Variants in SMARCD3 observed in about 807,000 individuals in gnomAD.
SMARCD3 encodes the protein SWI/SNF-related matrix-associated actin-dependent regulator of chromatin subfamily D member 3.
A neutral mutation model predicts 58.0 loss-of-function variants in SMARCD3; 14 were observed. The observed-to-expected ratio is 0.24, with a 90% CI of 0.16 to 0.38. SMARCD3 has a LOEUF of 0.38. SMARCD3 is among the 10% of genes least tolerant of loss of function. The pLI is 1.00. For missense variants in SMARCD3, 408 were observed against 636.9 expected (o/e 0.64, Z 3.87); for synonymous variants, 253 against 253.8 (o/e 1.00, Z 0.03).
intron 2 of SMARCD3, among the ~76,000 whole-genome samples, chr7:151,257,880 C>T (rs190888866): frequency 4.6e-5 from 7 of 152,260 alleles, no homozygotes; most frequent in Admixed American, 4.6e-4. Context: ...CGGCAGCTCC[C>T]AGTTTCCTCC....
chr7:151,275,006 A>G (rs185605638), intron 2 of SMARCD3: 73 of 886,574 alleles, frequency 8.2e-5, no homozygotes, highest in Non-Finnish European at 1.3e-4. Flanking sequence ...CTGGGGGCAG[A>G]AATGCCGGGA....
At chr7:151,253,300 C>G (rs745479190), upstream of SMARCD3, among the ~76,000 whole-genome samples, 24 of 152,136 alleles carry the variant, frequency 1.6e-4, no homozygotes, top group Non-Finnish European at 3.1e-4. Context: ...CTCCCACTCA[C>G]TCCCTCCGTC....
rs1803223757 is a variant in SMARCD3 at position 151,245,666 on chromosome 7, G to A, written c.84C>T (p.Pro28=). The A allele has an allele frequency of 7.5e-6, 8 of 1,072,160 alleles. No individual in the cohort carries two copies. In the South Asian group the frequency reaches 3.3e-4, roughly 44 times the overall value. 66.4% of individuals were successfully genotyped at this position (1,072,160 alleles called of 1,614,324 possible). Residue 28 remains proline (P), a synonymous_variant, in exon 2 of 13, where the codon CCC becomes CCT. Transcript: ENST00000262188. The surrounding 1 kb of genome is among the most constrained non-coding windows in gnomAD (Gnocchi z 6.2). Reference sequence around the variant, plus strand: ...GCATCCGGGCTCCAGACGGCATCCCGGGGCGCTGGGGGTGGGCGGGGGTGA... The same window carrying A: ...GCATCCGGGCTCCAGACGGCATCCCAGGGCGCTGGGGGTGGGCGGGGGTGA... ...LFEFLVHGVR[P]GMPSGARMPH...
At chr7:151,249,145 C>T (rs1012920327), upstream of SMARCD3, among the ~76,000 whole-genome samples, 1 of 152,014 alleles carries the variant, frequency 6.6e-6, no homozygotes, top group Non-Finnish European at 1.5e-5. This position sits in a 1 kb window ranked among gnomAD's most constrained non-coding sequence, Gnocchi z 4.8. Context: ...GCCCTTTCCC[C>T]AGAGACCTGG....
exon 2 of SMARCD3, chr7:151,275,163 G>T (rs1329598217): frequency 6.2e-7 from 1 of 1,611,302 alleles, no homozygotes; most frequent in Admixed American, 1.7e-5. Context: ...AGATGGCAGG[G>T]TCCTGCACCT....
intron 2 of SMARCD3, among the ~76,000 whole-genome samples, chr7:151,271,352 A>G (rs976130396): frequency 2.0e-5 from 3 of 152,078 alleles, no homozygotes; most frequent in African/African-American, 7.2e-5. Context: ...CAGGTTAGGG[A>G]GTAGGACCTG....
chr7:151,267,704 C>A (rs570495247), intron 2 of SMARCD3, among the ~76,000 whole-genome samples: 1 of 152,316 alleles, frequency 6.6e-6, no homozygotes, highest in South Asian at 2.1e-4. Flanking sequence ...AGGCCAGGTG[C>A]AGTGGCCCAA....
At chr7:151,261,959 G>A (rs1039485434) in intron 2 of SMARCD3, among the ~76,000 whole-genome samples, 1 of 152,222 alleles carries the variant, frequency 6.6e-6, no homozygotes, top group Admixed American at 6.5e-5. Flanking sequence ...CACAAGTGTT[G>A]TTAGCATGCA....
upstream of SMARCD3, among the ~76,000 whole-genome samples, chr7:151,250,729 T>C (rs922708849): frequency 2.6e-5 from 4 of 152,186 alleles, no homozygotes; most frequent in African/African-American, 9.6e-5. Context: ...TCAAGGACAT[T>C]AGCTTTGCTT....
chr7:151,265,752 C>T (rs1027810477), intron 2 of SMARCD3, among the ~76,000 whole-genome samples: 4 of 152,230 alleles, frequency 2.6e-5, no homozygotes, highest in African/African-American at 4.8e-5. Context: ...TCTCTGATCT[C>T]GGTCTCCTCA....
intron 2 of SMARCD3, among the ~76,000 whole-genome samples, chr7:151,262,524 C>A (rs1025643351): frequency 6.6e-6 from 1 of 152,256 alleles, no homozygotes; most frequent in African/African-American, 2.4e-5. Flanking sequence ...GTCCTCTACA[C>A]GTTTAGTGAG....
rs1803088203 is a variant in SMARCD3, at chr7:151,243,253, T to G, written c.333+406A>C. ...TGGACAGCGGTGCTTTCTTCTCTGCTGGCACCTTGCTCAGCCCCCACACCT... is the reference window on the plus strand; with the variant it reads ...TGGACAGCGGTGCTTTCTTCTCTGCGGGCACCTTGCTCAGCCCCCACACCT... On this transcript the variant is annotated intron_variant, in intron 3 of 12. Coordinates refer to ENST00000262188, the MANE Select transcript of SMARCD3 (RefSeq NM_001003801.2). The surrounding 1 kb of genome is among the most constrained non-coding windows in gnomAD (Gnocchi z 4.4). Among the ~76,000 whole-genome samples, 1 of 152,200 alleles carries G rather than the reference T, an allele frequency of 6.6e-6. No homozygotes were observed.
chr7:151,275,340 G>A (rs1428049150), intron 1 of SMARCD3: 4 of 620,626 alleles, frequency 6.4e-6, no homozygotes, highest in South Asian at 1.9e-5. Context: ...CGGAGTGGAG[G>A]TCTGAGGAAG....
intron 2 of SMARCD3, among the ~76,000 whole-genome samples, chr7:151,258,401 C>T (rs968119637): frequency 6.6e-6 from 1 of 151,814 alleles, no homozygotes. Context: ...CCCGTCTCTA[C>T]TAAAAATACA....
rs1803122102 is a variant in SMARCD3, at chr7:151,243,762, C to T, written c.291-61G>A. ...GGCGACAGATCTGGGCGTAACGAGG[C>T]CACCTGCTAGATTATCCCGACATCT... On this transcript the variant is annotated intron_variant, in intron 2 of 12. Transcript: ENST00000262188. The surrounding 1 kb of genome is among the most constrained non-coding windows in gnomAD (Gnocchi z 4.4). The T allele has an allele frequency of 2.5e-6, 3 of 1,185,784 alleles. No homozygotes were observed. Among genetic ancestry groups the T allele is most frequent in the African/African-American group, 1.5e-5 (1 of 66,786 alleles). The allele number at this position is 1,185,784 out of a possible 1,614,324, so 73.5% of individuals were successfully genotyped here. A position where few individuals can be genotyped will look rare whatever the true frequency, so the allele number is the denominator to read the frequency against.
intron 2 of SMARCD3, chr7:151,254,579 G>T: frequency 6.6e-6 from 1 of 152,526 alleles, no homozygotes. Flanking sequence ...CTGGTGTGGG[G>T]AGGCCTTTGG....
Position 151,241,846 on chromosome 7 carries a change from G to A in SMARCD3, c.777+31C>T, listed in dbSNP as rs867320101. 6.4e-7 allele frequency: 1 copy of A among 1,567,736 alleles called. No homozygotes were observed. The highest frequency in any genetic ancestry group is 8.7e-7 in the Non-Finnish European group (1 of 1,145,462). The stretch of plus-strand genomic sequence containing the variant: ...AGCCCTGCCCTGAGGGCCTTGTGTG[G>A]CGTGTACGGGGCAGCATGGCAGGTG... On this transcript the variant is annotated intron_variant, in intron 7 of 12. Transcript: ENST00000262188. This position sits in a 1 kb window ranked among gnomAD's most constrained non-coding sequence, Gnocchi z 5.3.
At chr7:151,262,284 A>G (rs577617549) in intron 2 of SMARCD3, among the ~76,000 whole-genome samples, 1 of 152,160 alleles carries the variant, frequency 6.6e-6, no homozygotes, top group African/African-American at 2.4e-5. Flanking sequence ...GTCTTGCTAC[A>G]TTGCTCAGGC....
Position 151,243,536 on chromosome 7 carries a change from G to T in SMARCD3, c.333+123C>A. Reference sequence around the variant, plus strand: ...GGCCTGCGGAGCCTCACTTATTAATGAGCTTTTTTAAACAAAAAGTGAAAG... The same window carrying T: ...GGCCTGCGGAGCCTCACTTATTAATTAGCTTTTTTAAACAAAAAGTGAAAG... On this transcript the variant is annotated intron_variant, in intron 3 of 12. Coordinates refer to ENST00000262188, the MANE Select transcript of SMARCD3 (RefSeq NM_001003801.2). The surrounding 1 kb of genome is among the most constrained non-coding windows in gnomAD (Gnocchi z 4.4). 1 of 697,112 alleles carries T rather than the reference G, an allele frequency of 1.4e-6. No homozygotes were observed. Among genetic ancestry groups the T allele is most frequent in the South Asian group, 1.5e-5 (1 of 64,770 alleles). 43.2% of individuals were successfully genotyped at this position (697,112 alleles called of 1,614,324 possible).
Sources: allele counts gnomAD v4.1 joint callset (sites outside exome capture counted in the v4.1 genomes callset), GRCh38; gene constraint gnomAD v4.1.1; non-coding constraint Gnocchi (gnomAD v3.1); transcripts MANE v1.5; gene names NCBI Gene and HGNC (gene_info 2026-07-23, HGNC 2026-07-21).